Variants in BCAS3 observed in about 807,000 individuals in gnomAD.
BCAS3 encodes BCAS4/BCAS3 fusion.
A neutral mutation model predicts 116.1 loss-of-function variants in BCAS3; 53 were observed. That is an observed-to-expected ratio of 0.46 (90% confidence interval 0.37 to 0.57). The LOEUF is 0.57. Among genes scored for constraint, BCAS3 ranks in the 20% least tolerant of loss-of-function variants. BCAS3 has a pLI of 0.00. For synonymous variants in BCAS3, 391 were observed against 408.2 expected (o/e 0.96, Z 0.51); for missense variants, 917 against 1,165.4 (o/e 0.79, Z 3.10).
chr17:60,961,076 T>C lies in BCAS3; in HGVS notation c.1221+13724T>C, dbSNP rs2061391281. 6.6e-6 allele frequency among the ~76,000 whole-genome samples: 1 copy of C among 152,092 alleles called. No homozygotes were observed. The highest frequency in any genetic ancestry group is 1.5e-5 in the Non-Finnish European group (1 of 68,028). On this transcript the variant is annotated intron_variant, in intron 14 of 23. Coordinates refer to ENST00000407086, the MANE Select transcript of BCAS3 (RefSeq NM_017679.5). The surrounding 1 kb of genome is among the most constrained non-coding windows in gnomAD (Gnocchi z 4.8). ...CCATGAAACTCCTCATAGTAACATC[T>C]TTTTCTCCTTGGTAGGATATTCAAA...
chr17:60,836,098 C>T (rs990968638), intron 7 of BCAS3, among the ~76,000 whole-genome samples: 2 of 152,004 alleles, frequency 1.3e-5, no homozygotes, highest in Non-Finnish European at 2.9e-5. Context: ...ATCTCCTGCC[C>T]GCATACATTT....
At chr17:61,100,554 A>T (rs2074260743) in intron 22 of BCAS3, among the ~76,000 whole-genome samples, 1 of 152,196 alleles carries the variant, frequency 6.6e-6, no homozygotes. Context: ...ACCATCTGAT[A>T]TTAAAATTAG....
intron 23 of BCAS3, among the ~76,000 whole-genome samples, chr17:61,370,678 T>C (rs948529105): frequency 3.9e-5 from 6 of 152,218 alleles, no homozygotes; most frequent in African/African-American, 7.2e-5. Context: ...TGAGCCACCA[T>C]GCCCAGCCTA....
intron 7 of BCAS3, among the ~76,000 whole-genome samples, chr17:60,851,943 T>C (rs969933884): frequency 2.0e-5 from 3 of 152,220 alleles, no homozygotes; most frequent in Non-Finnish European, 4.4e-5. Flanking sequence ...GGTTGTTTAT[T>C]TTTTGGTACA....
At chr17:60,770,375 C>T (rs8065489) in intron 6 of BCAS3, among the ~76,000 whole-genome samples, 39,272 of 141,306 alleles carry the variant, frequency 0.28, 10,779 homozygotes, top group African/African-American at 0.72. Flanking sequence ...TCCTTGCCAT[C>T]GCCTCTCTCA....
intron 22 of BCAS3, among the ~76,000 whole-genome samples, chr17:61,201,582 A>G (rs2080817358): frequency 6.6e-6 from 1 of 152,038 alleles, no homozygotes; most frequent in Admixed American, 6.6e-5. Context: ...GTGCTGGAGG[A>G]GGTGAGAGAC....
At chr17:61,357,498 G>A (rs1243993038) in intron 22 of BCAS3, among the ~76,000 whole-genome samples, 1 of 148,542 alleles carries the variant, frequency 6.7e-6, no homozygotes, top group Non-Finnish European at 1.5e-5. Flanking sequence ...AGGCTGGAGT[G>A]CAGTGGCGCG....
intron 22 of BCAS3, among the ~76,000 whole-genome samples, chr17:61,093,879 T>C (rs1018546723): frequency 1.3e-5 from 2 of 152,250 alleles, no homozygotes; most frequent in Non-Finnish European, 1.5e-5. Flanking sequence ...TCTTGGCTAT[T>C]CTGGGGCCTT....
intron 6 of BCAS3, among the ~76,000 whole-genome samples, chr17:60,781,797 A>G (rs923980956): frequency 4.6e-5 from 7 of 152,098 alleles, no homozygotes; most frequent in South Asian, 2.1e-4. Context: ...ATTTTTTCCT[A>G]CGTTAGTTAA....
chr17:60,698,352 C>A (rs1368231761), intron 4 of BCAS3, among the ~76,000 whole-genome samples: 1 of 151,818 alleles, frequency 6.6e-6, no homozygotes, highest in Non-Finnish European at 1.5e-5. Context: ...TGTTCAAGAA[C>A]AATAAAGTCT....
rs775052606 is a variant in BCAS3 at position 61,249,597 on chromosome 17, A to C, written c.2426-118730A>C. Among the ~76,000 whole-genome samples, 2 of 152,312 alleles carry C rather than the reference A, an allele frequency of 1.3e-5. No individual in the cohort carries two copies. The highest frequency in any genetic ancestry group is 2.9e-5 in the Non-Finnish European group (2 of 68,020). ...AGAAATAGTTTGTTTTAGGAACGCC[A>C]ATACAAAAGCTACAGAATGGAAGAG... On this transcript the variant is annotated intron_variant, in intron 22 of 23. Coordinates refer to ENST00000407086, the MANE Select transcript of BCAS3 (RefSeq NM_017679.5). This position sits in a 1 kb window ranked among gnomAD's most constrained non-coding sequence, Gnocchi z 6.2.
At chr17:60,685,452 A>G (rs1003837790) in intron 3 of BCAS3, among the ~76,000 whole-genome samples, 2 of 141,734 alleles carry the variant, frequency 1.4e-5, no homozygotes, top group African/African-American at 2.6e-5. Flanking sequence ...CTCCGTCTCA[A>G]AAAAAAAAAA....
chr17:61,021,914 G>T lies in BCAS3; in HGVS notation c.1637+6013G>T, dbSNP rs1028935387. On this transcript the variant is annotated intron_variant, in intron 16 of 23. Coordinates refer to ENST00000407086, the MANE Select transcript of BCAS3 (RefSeq NM_017679.5). The surrounding 1 kb of genome is among the most constrained non-coding windows in gnomAD (Gnocchi z 4.6). ...CTGAGCCTTAAACTTTATAGGCAAA[G>T]TTCGGAGAATTAAATTGGAAATATT... is the stretch of plus-strand genomic sequence containing the variant. Among the ~76,000 whole-genome samples the T allele has an allele frequency of 6.6e-6, 1 of 152,132 alleles. No individual in the cohort carries two copies. The highest frequency in any genetic ancestry group is 1.5e-5 in the Non-Finnish European group (1 of 68,028).
At chr17:60,840,564 T>G (rs2051810384) in intron 7 of BCAS3, among the ~76,000 whole-genome samples, 1 of 152,178 alleles carries the variant, frequency 6.6e-6, no homozygotes, top group African/African-American at 2.4e-5. Context: ...TAATTCCTGT[T>G]TTTTGACCTC....
intron 22 of BCAS3, among the ~76,000 whole-genome samples, chr17:61,127,624 G>T (rs1202499460): frequency 1.3e-5 from 2 of 150,148 alleles, no homozygotes; most frequent in African/African-American, 4.9e-5. Context: ...AGAAAGTTCT[G>T]TTGCAGACTA....
At chr17:61,086,720 C>A (rs1052394662) in intron 22 of BCAS3, 18 of 985,270 alleles carry the variant, frequency 1.8e-5, no homozygotes, top group Non-Finnish European at 2.0e-5. Flanking sequence ...TTCCAGGAAG[C>A]CATGGTACCT....
chr17:61,078,222 T>C, intron 20 of BCAS3, 111 bp from the exon 21 acceptor site: 1 of 824,366 alleles, frequency 1.2e-6, no homozygotes, highest in Non-Finnish European at 1.9e-6. Context: ...TTTGCCACTT[T>C]AACATGGGCT....
At chr17:61,120,778 A>G (rs1395281271) in intron 22 of BCAS3, among the ~76,000 whole-genome samples, 1 of 152,134 alleles carries the variant, frequency 6.6e-6, no homozygotes, top group Non-Finnish European at 1.5e-5. Context: ...ATGTGATATC[A>G]AATCTCCAGT....
At chr17:61,093,671 A>C (rs2073777641) in intron 22 of BCAS3, among the ~76,000 whole-genome samples, 1 of 152,228 alleles carries the variant, frequency 6.6e-6, no homozygotes, top group Admixed American at 6.5e-5. Flanking sequence ...TGTTTATCAA[A>C]AAGATACGCC....
Sources: allele counts gnomAD v4.1 joint callset (sites outside exome capture counted in the v4.1 genomes callset), GRCh38; gene constraint gnomAD v4.1.1; non-coding constraint Gnocchi (gnomAD v3.1); transcripts MANE v1.5; gene names NCBI Gene and HGNC (gene_info 2026-07-23, HGNC 2026-07-21).